The following EDARADD variants were observed in gnomAD, a reference collection of about 807,000 sequenced individuals.
The protein encoded by EDARADD is ectodysplasin-A receptor-associated adapter protein.
A neutral mutation model predicts 25.6 loss-of-function variants in EDARADD; 20 were observed. That is an observed-to-expected ratio of 0.78 (90% CI 0.55 to 1.14). The LOEUF is 1.14. EDARADD is among the 50% of genes most tolerant of loss of function. The pLI is 0.00. For synonymous variants in EDARADD, 86 were observed against 94.4 expected (o/e 0.91, Z 0.52); for missense variants, 225 against 270.1 (o/e 0.83, Z 1.17).
chr1:236,422,744 A>G (rs1657813489), intron 3 of EDARADD, among the ~76,000 whole-genome samples: 1 of 152,170 alleles, frequency 6.6e-6, no homozygotes. Context: ...TTCCAGCACT[A>G]TGGGCTCTGG....
rs920823968 is a variant in EDARADD, at chr1:236,398,153, C to T, written c.61+3648C>T. The stretch of plus-strand genomic sequence containing the variant: ...TTATTATTATTTTTCAAGATGGAGT[C>T]TCACTCTGTCACCCAGGCTGGAGTG... On this transcript the variant is annotated intron_variant, in intron 1 of 5. Transcript: ENST00000334232. The surrounding 1 kb of genome is among the most constrained non-coding windows in gnomAD (Gnocchi z 4.1). 3.3e-5 allele frequency among the ~76,000 whole-genome samples: 5 copies of T among 152,092 alleles called. No individual in the cohort carries two copies.
At chr1:236,374,834 G>C (rs1167995739) in intron 3 of EDARADD, among the ~76,000 whole-genome samples, 1 of 133,810 alleles carries the variant, frequency 7.5e-6, no homozygotes, top group Non-Finnish European at 1.6e-5. Flanking sequence ...ACATCTAGTT[G>C]GGTCTTTTTT....
intron 4 of EDARADD, among the ~76,000 whole-genome samples, chr1:236,436,668 G>T (rs1007532833): frequency 6.7e-6 from 1 of 148,518 alleles, no homozygotes; most frequent in African/African-American, 2.5e-5. Flanking sequence ...CTCTTTTTTA[G>T]AGGCAGGACT....
chr1:236,454,987 A>G (rs1658817247), intron 4 of EDARADD, among the ~76,000 whole-genome samples: 1 of 152,138 alleles, frequency 6.6e-6, no homozygotes, highest in South Asian at 2.1e-4. Flanking sequence ...CAAGGCGGGC[A>G]GATCATGAGG....
intron 1 of EDARADD, among the ~76,000 whole-genome samples, chr1:236,396,789 C>A (rs1667522817): frequency 6.6e-6 from 1 of 151,580 alleles, no homozygotes; most frequent in Non-Finnish European, 1.5e-5. Context: ...ATCCCCATAC[C>A]TATTGTTTGA....
At chr1:236,405,292 G>A (rs181983506) in intron 1 of EDARADD, among the ~76,000 whole-genome samples, 202 of 152,270 alleles carry the variant, frequency 1.3e-3, no homozygotes, top group African/African-American at 4.7e-3. Context: ...GAGACTTTGT[G>A]CCTATAAACC....
chr1:236,428,319 CAGA>C (rs1657982123), intron 4 of EDARADD, among the ~76,000 whole-genome samples: 1 of 152,216 alleles, frequency 6.6e-6, no homozygotes, highest in African/African-American at 2.4e-5. Flanking sequence ...CATCCCAAGG[CAGA>C]AGAATTTTTC....
chr1:236,383,813 G>A (rs768617719), intron 3 of EDARADD, among the ~76,000 whole-genome samples: 9 of 152,032 alleles, frequency 5.9e-5, no homozygotes, highest in Non-Finnish European at 8.8e-5. Flanking sequence ...AGACCAGCCT[G>A]GGCAACGTAG....
At chr1:236,456,484 C>T (rs1368411385) in intron 4 of EDARADD, among the ~76,000 whole-genome samples, 2 of 152,220 alleles carry the variant, frequency 1.3e-5, no homozygotes, top group African/African-American at 2.4e-5. Flanking sequence ...TTGTCCAAAA[C>T]AGATAATGAT....
rs1667492176 is a variant in EDARADD at position 236,395,237 on chromosome 1, C to T, written c.61+732C>T. Among the ~76,000 whole-genome samples the T allele has an allele frequency of 1.3e-5, 2 of 152,158 alleles. No individual in the cohort carries two copies. The highest frequency in any genetic ancestry group is 6.5e-5 in the Admixed American group (1 of 15,280). On this transcript the variant is annotated intron_variant, in intron 1 of 5. Transcript: ENST00000334232. The surrounding 1 kb of genome is among the most constrained non-coding windows in gnomAD (Gnocchi z 6.9). The stretch of plus-strand genomic sequence containing the variant: ...CCCGGGCGGCAGTCGTGTCAGCCCC[C>T]CGCTAGGACCCGCCCAGGGGGACGT...
At chr1:236,431,678 T>G in intron 4 of EDARADD, among the ~76,000 whole-genome samples, 1 of 49,110 alleles carries the variant, frequency 2.0e-5, no homozygotes, top group Non-Finnish European at 8.8e-5. Flanking sequence ...TCCCAGCACT[T>G]TGGGAGGCCG....
At chr1:236,439,904 T>C (rs1038841066) in intron 4 of EDARADD, among the ~76,000 whole-genome samples, 4 of 152,216 alleles carry the variant, frequency 2.6e-5, no homozygotes, top group African/African-American at 9.6e-5. Flanking sequence ...TGGTACTATA[T>C]CTAAAAAGTC....
chr1:236,480,928 G>A (rs1659654505), intron 5 of EDARADD, among the ~76,000 whole-genome samples: 1 of 152,196 alleles, frequency 6.6e-6, no homozygotes, highest in Admixed American at 6.5e-5. Context: ...CTGAAGCTCA[G>A]CTGAAAAGCC....
chr1:236,377,836 G>A (rs763862835), intron 3 of EDARADD, among the ~76,000 whole-genome samples: 12 of 151,460 alleles, frequency 7.9e-5, no homozygotes, highest in Non-Finnish European at 1.8e-4. Flanking sequence ...CCAGCCTCAC[G>A]ACAGAGTGAG....
Position 236,483,847 on chromosome 1 carries a change from A to G in EDARADD, c.*1198A>G, listed in dbSNP as rs528968509. The stretch of plus-strand genomic sequence containing the variant: ...AATAAAGAAGGCCTGGAGCTGCTGA[A>G]GACTGCGATTGGGAAAGCTGGCTAC... On this transcript the variant is annotated 3_prime_UTR_variant, in exon 6 of 6. Coordinates refer to ENST00000334232, the MANE Select transcript of EDARADD (RefSeq NM_145861.4). 12 of 1,420,736 alleles carry G rather than the reference A, an allele frequency of 8.4e-6. No individual in the cohort carries two copies. The highest frequency in any genetic ancestry group is 1.2e-5 in the Non-Finnish European group (12 of 1,006,068). The allele number at this position is 1,420,736 out of a possible 1,614,324, so 88.0% of individuals were successfully genotyped here.
intron 5 of EDARADD, among the ~76,000 whole-genome samples, chr1:236,474,635 T>A (rs1659452910): frequency 6.6e-6 from 1 of 152,244 alleles, no homozygotes; most frequent in Non-Finnish European, 1.5e-5. Context: ...CTAGCAGATA[T>A]CAGCTACATT....
intron 4 of EDARADD, among the ~76,000 whole-genome samples, chr1:236,447,177 T>C (rs1290474569): frequency 6.8e-5 from 5 of 74,006 alleles, no homozygotes; most frequent in African/African-American, 4.2e-4. Flanking sequence ...TCCCTCTTTC[T>C]TTCTTTCTTT....
At chr1:236,439,688 A>C (rs1658351890) in intron 4 of EDARADD, among the ~76,000 whole-genome samples, 1 of 152,194 alleles carries the variant, frequency 6.6e-6, no homozygotes, top group Admixed American at 6.6e-5. Context: ...GCTCATTTTA[A>C]AATCAGGTTA....
At position 236,402,064 on chromosome 1, in the gene EDARADD, C is replaced by T. The variant is rs548766468; in HGVS notation, c.62-7152C>T. Among the ~76,000 whole-genome samples the T allele has an allele frequency of 2.1e-3, 326 of 152,216 alleles. 1 individual carries two copies. The highest frequency in any genetic ancestry group is 7.4e-3 in the African/African-American group (306 of 41,534). On this transcript the variant is annotated intron_variant, in intron 1 of 5. Coordinates refer to ENST00000334232, the MANE Select transcript of EDARADD (RefSeq NM_145861.4). ...GCAACCTCCACCTCCCGGGTTCAAG[C>T]GATTCTCCTGCTTCAGCTTCCTGAG...
Sources: gnomAD v4.1 joint callset for allele counts (sites outside exome capture counted in the v4.1 genomes callset) on GRCh38, gnomAD v4.1.1 for gene constraint, Gnocchi (gnomAD v3.1) non-coding constraint, MANE v1.5 for transcripts, NCBI Gene and HGNC (gene_info 2026-07-23, HGNC 2026-07-21) for gene names.